ZNF592: variants seen among roughly 807,000 people sequenced by gnomAD.
The protein encoded by ZNF592 is spinocerebellar ataxia, autosomal recessive 5.
ZNF592 carries 11 observed loss-of-function variants against 80.3 expected under a neutral mutation model. The observed-to-expected ratio is 0.14, with a 90% CI of 0.09 to 0.23. The LOEUF is 0.23. ZNF592 is among the 10% of genes least tolerant of loss of function. The pLI is 1.00. For synonymous variants in ZNF592, 646 were observed against 640.3 expected, an observed-to-expected ratio of 1.01 and a Z score of -0.13; for missense variants, 1,420 against 1,633.9, an observed-to-expected ratio of 0.87 and a Z score of 2.26.
At chr15:84,776,239 C>T (rs1256529610) in intron 2 of ZNF592, among the ~76,000 whole-genome samples, 2 of 152,270 alleles carry the variant, frequency 1.3e-5, no homozygotes, top group Non-Finnish European at 2.9e-5. Flanking sequence ...TGTTCATGGA[C>T]ATGGCTCTGG....
chr15:84,752,895 C>T (rs191475011), intron 1 of ZNF592, among the ~76,000 whole-genome samples: 4 of 152,326 alleles, frequency 2.6e-5, no homozygotes, highest in Admixed American at 1.3e-4. Flanking sequence ...AGGATATTAA[C>T]TGACCATGAG....
intron 5 of ZNF592, among the ~76,000 whole-genome samples, chr15:84,797,351 A>G (rs1458217467): frequency 6.6e-6 from 1 of 151,982 alleles, no homozygotes; most frequent in Non-Finnish European, 1.5e-5. Flanking sequence ...GGTTTTTTTA[A>G]TGTAGTTGTT....
Position 84,799,854 on chromosome 15 carries a change from G to C in ZNF592, c.3150G>C (p.Glu1050Asp). Residue 1050 changes from glutamate to aspartate, a missense_variant, in exon 10 of 11, where the codon GAG becomes GAC. Glu to Asp is a conservative substitution (Grantham distance 45, BLOSUM62 2). Around this residue, in one of 7 missense-constraint regions of ZNF592, gnomAD observed 331 missense variants for 347.0 expected, o/e 0.95. Transcript: ENST00000560079. This position sits in a 1 kb window ranked among gnomAD's most constrained non-coding sequence, Gnocchi z 4.2. ...TGTGCTTCTGCAGGTACTGCACAGA[G>C]GACAGCCCCAGCTTTCCTCGGCCCT... ...KKFYTCGYCT[E>D]DSPSFPRPSL... The C allele has an allele frequency of 6.2e-7, 1 of 1,614,144 alleles. No individual in the cohort carries two copies. Among genetic ancestry groups the C allele is most frequent in the Middle Eastern group, 1.6e-4 (1 of 6,062 alleles).
At chr15:84,778,660 G>A (rs759777590) in intron 3 of ZNF592, among the ~76,000 whole-genome samples, 30 of 152,152 alleles carry the variant, frequency 2.0e-4, no homozygotes, top group Non-Finnish European at 4.0e-4. Flanking sequence ...GCTTCCCAAT[G>A]ACCCCTTTTC....
chr15:84,752,202 A>G (rs1899034368), intron 1 of ZNF592, among the ~76,000 whole-genome samples: 1 of 152,156 alleles, frequency 6.6e-6, no homozygotes, highest in East Asian at 1.9e-4. Context: ...TCTCTTAATA[A>G]CTTAATGCCA....
intron 5 of ZNF592, among the ~76,000 whole-genome samples, chr15:84,795,715 CA>C (rs1962875909): frequency 6.6e-6 from 1 of 152,154 alleles, no homozygotes; most frequent in South Asian, 2.1e-4. Flanking sequence ...TTCTGTTTAG[CA>C]GGAGAGAAAG....
intron 5 of ZNF592, among the ~76,000 whole-genome samples, chr15:84,792,719 T>C (rs957290763): frequency 2.0e-5 from 3 of 152,198 alleles, no homozygotes; most frequent in Non-Finnish European, 2.9e-5. Context: ...CCCCGAAGTG[T>C]TGGGATTACA....
At chr15:84,755,698 C>T (rs954708360) in intron 1 of ZNF592, among the ~76,000 whole-genome samples, 2 of 152,108 alleles carry the variant, frequency 1.3e-5, no homozygotes, top group Admixed American at 1.3e-4. Flanking sequence ...AACAAGCATC[C>T]TATAAGCCGA....
Position 84,781,712 on chromosome 15 carries a change from G to T in ZNF592, c.-19-945G>T, listed in dbSNP as rs190390461. 1.9e-3 allele frequency among the ~76,000 whole-genome samples: 295 copies of T among 152,300 alleles called. 2 individuals are homozygous for T. Among genetic ancestry groups the T allele is most frequent in the African/African-American group, 3.5e-3 (144 of 41,556 alleles). On this transcript the variant is annotated intron_variant, in intron 3 of 10. Coordinates refer to ENST00000560079, the MANE Select transcript of ZNF592 (RefSeq NM_014630.3). Reference sequence around the variant, plus strand: ...CAGATGCAGGACTTAAAGGGAGATGGTGAGGTTTTTCTTCTCCCTCCAGCA... The same window carrying T: ...CAGATGCAGGACTTAAAGGGAGATGTTGAGGTTTTTCTTCTCCCTCCAGCA...
intron 5 of ZNF592, among the ~76,000 whole-genome samples, chr15:84,795,026 TA>T (rs1443762028): frequency 1.3e-5 from 2 of 151,490 alleles, no homozygotes; most frequent in Non-Finnish European, 2.9e-5. Flanking sequence ...TGTTTTGTAT[TA>T]TTTTTGCTTT....
chr15:84,775,648 G>T (rs1962226908), intron 2 of ZNF592, among the ~76,000 whole-genome samples: 1 of 151,840 alleles, frequency 6.6e-6, no homozygotes, highest in South Asian at 2.1e-4. Context: ...GGCCAGTCTG[G>T]TCTCAAACTG....
chr15:84,767,282 T>C (rs1899557405), intron 2 of ZNF592, among the ~76,000 whole-genome samples: 1 of 152,190 alleles, frequency 6.6e-6, no homozygotes, highest in Non-Finnish European at 1.5e-5. Flanking sequence ...CGCCTCGGCC[T>C]CCGAAAGTGC....
chr15:84,765,938 A>G (rs1899504745), intron 2 of ZNF592, among the ~76,000 whole-genome samples: 2 of 152,024 alleles, frequency 1.3e-5, no homozygotes, highest in South Asian at 2.1e-4. Flanking sequence ...ATGTACACAT[A>G]TAGAAAAAAA....
At chr15:84,752,121 A>G (rs548661883) in intron 1 of ZNF592, among the ~76,000 whole-genome samples, 4 of 152,134 alleles carry the variant, frequency 2.6e-5, no homozygotes, top group Non-Finnish European at 5.9e-5. Context: ...TACTGTGGTC[A>G]TTTTGAATGA....
In ZNF592 at chr15:84,804,781, A is replaced by G. The variant is rs558717924; in HGVS notation, c.*2388A>G. The G allele has an allele frequency of 6.6e-6, 1 of 152,224 alleles. No homozygotes were observed. Among genetic ancestry groups the G allele is most frequent in the South Asian group, 2.1e-4 (1 of 4,834 alleles). 9.4% of individuals were successfully genotyped at this position (152,224 alleles called of 1,614,324 possible). A position where few individuals can be genotyped will look rare whatever the true frequency, so the allele number is the denominator to read the frequency against. On this transcript the variant is annotated 3_prime_UTR_variant, in exon 11 of 11. Transcript: ENST00000560079. ...TATGAAGTGGCCCAGACACCTAGCC[A>G]TTCTTTAGTAAGAGTGAAGATAGCA...
chr15:84,786,000 C>A (rs1317265358), intron 4 of ZNF592, among the ~76,000 whole-genome samples: 1 of 152,202 alleles, frequency 6.6e-6, no homozygotes, highest in Non-Finnish European at 1.5e-5. Context: ...AGACCCACCC[C>A]TCATGGTGCT....
At chr15:84,790,012 A>G (rs1293785567) in intron 4 of ZNF592, among the ~76,000 whole-genome samples, 1 of 152,204 alleles carries the variant, frequency 6.6e-6, no homozygotes, top group Non-Finnish European at 1.5e-5. Context: ...CTGGGAACAA[A>G]GGAGCTGCTA....
intron 1 of ZNF592, among the ~76,000 whole-genome samples, chr15:84,756,705 G>C (rs1471235561): frequency 6.6e-6 from 1 of 152,150 alleles, no homozygotes; most frequent in Non-Finnish European, 1.5e-5. Context: ...CTTTATTAAG[G>C]CTATAAATCT....
intron 3 of ZNF592, among the ~76,000 whole-genome samples, chr15:84,780,990 A>G (rs1962404461): frequency 6.6e-6 from 1 of 152,074 alleles, no homozygotes; most frequent in African/African-American, 2.4e-5. Flanking sequence ...ACTTGACATT[A>G]TAAATAATTT....
Sources: gnomAD v4.1 joint callset for allele counts (sites outside exome capture counted in the v4.1 genomes callset) on GRCh38, gnomAD v4.1.1 for gene constraint, gnomAD v4.1.1 regional missense constraint, Gnocchi (gnomAD v3.1) non-coding constraint, MANE v1.5 for transcripts, NCBI Gene and HGNC (gene_info 2026-07-23, HGNC 2026-07-21) for gene names.